SCRG1: variants seen among roughly 807,000 people sequenced by gnomAD.
The protein encoded by SCRG1 is scrapie-responsive protein 1.
Under a neutral mutation model 7.7 loss-of-function variants are expected in SCRG1, and 3 were observed. The observed-to-expected ratio is 0.39, with a 90% CI of 0.18 to 1.01. The LOEUF is 1.01. Ranked by LOEUF, SCRG1 falls within the 50% of genes least tolerant of loss-of-function variation. The probability of loss-of-function intolerance (pLI) is 0.36; values close to 1 mark genes in which losing one functional copy is unlikely to be tolerated. For synonymous variants in SCRG1, 46 were observed against 41.2 expected (o/e 1.12, Z -0.44); for missense variants, 110 against 117.2 (o/e 0.94, Z 0.28).
chr4:173,456,800 A>T, the SCRG1 span, among the ~76,000 whole-genome samples: 13 of 152,224 alleles, frequency 8.5e-5, 1 homozygote, highest in African/African-American at 2.9e-4. Context: ...CTCTGCTCCA[A>T]AGAGATAGGA....
upstream of SCRG1, among the ~76,000 whole-genome samples, chr4:173,402,616 G>A (rs1427277368): frequency 2.6e-5 from 4 of 152,128 alleles, no homozygotes; most frequent in African/African-American, 9.7e-5. Flanking sequence ...ACATGCATTA[G>A]TTCTTCCTCT....
chr4:173,394,517 G>A (rs1176055707), intron 1 of SCRG1, among the ~76,000 whole-genome samples: 6 of 152,024 alleles, frequency 3.9e-5, no homozygotes, highest in African/African-American at 1.2e-4. Flanking sequence ...GGTGGCGAGC[G>A]CCTGTAGTCC....
At chr4:173,402,514 T>G (rs1478455683), upstream of SCRG1, among the ~76,000 whole-genome samples, 1 of 150,842 alleles carries the variant, frequency 6.6e-6, no homozygotes, top group Non-Finnish European at 1.5e-5. Flanking sequence ...AACAGCAAAA[T>G]CCTTCCAATC....
the SCRG1 span, among the ~76,000 whole-genome samples, chr4:173,510,936 T>G: frequency 1.3e-5 from 2 of 152,196 alleles, no homozygotes; most frequent in African/African-American, 2.4e-5. The surrounding 1 kb of genome is among the most constrained non-coding windows in gnomAD (Gnocchi z 5.7). Context: ...ATAACCAAGA[T>G]AAAGTATGTG....
the SCRG1 span, among the ~76,000 whole-genome samples, chr4:173,416,237 G>C: frequency 6.6e-6 from 1 of 152,230 alleles, no homozygotes; most frequent in African/African-American, 2.4e-5. Context: ...TTTGCCAAGT[G>C]GGAGGGATTC....
chr4:173,420,458 G>GTTTTT, the SCRG1 span, among the ~76,000 whole-genome samples: 49 of 152,270 alleles, frequency 3.2e-4, no homozygotes, highest in African/African-American at 9.9e-4. Context: ...CTGAAAGAAT[G>GTTTTT]GTAGCTGTTG....
the SCRG1 span, among the ~76,000 whole-genome samples, chr4:173,431,030 AT>A: frequency 6.6e-6 from 1 of 152,154 alleles, no homozygotes; most frequent in African/African-American, 2.4e-5. Flanking sequence ...AATGTTCATG[AT>A]TTGGATCATG....
At chr4:173,499,738 C>CACGTGA in the SCRG1 span, among the ~76,000 whole-genome samples, 1 of 152,172 alleles carries the variant, frequency 6.6e-6, no homozygotes, top group Non-Finnish European at 1.5e-5. This position sits in a 1 kb window ranked among gnomAD's most constrained non-coding sequence, Gnocchi z 4.1. Flanking sequence ...CCAACTGCCT[C>CACGTGA]ACGTGAACGC....
chr4:173,483,582 A>ATTATATATTATAT, the SCRG1 span, among the ~76,000 whole-genome samples: 45 of 83,398 alleles, frequency 5.4e-4, 7 homozygotes, highest in South Asian at 4.7e-3. Context: ...TATAATATAT[A>ATTATATATTATAT]TGATATATTA....
At chr4:173,445,057 A>G in the SCRG1 span, among the ~76,000 whole-genome samples, 3 of 152,036 alleles carry the variant, frequency 2.0e-5, no homozygotes. Flanking sequence ...TATGCTTTGA[A>G]TTACATTTCT....
chr4:173,430,858 G>C, the SCRG1 span, among the ~76,000 whole-genome samples: 1 of 146,296 alleles, frequency 6.8e-6, no homozygotes, highest in African/African-American at 2.5e-5. Flanking sequence ...AGAAAATACA[G>C]GGAAAAACAA....
chr4:173,394,085 A>G (rs975497360), intron 1 of SCRG1, among the ~76,000 whole-genome samples: 1 of 151,518 alleles, frequency 6.6e-6, no homozygotes, highest in Non-Finnish European at 1.5e-5. Flanking sequence ...AAGTCTTTTG[A>G]TTGGAGAGTT....
the SCRG1 span, among the ~76,000 whole-genome samples, chr4:173,435,121 T>C: frequency 7.0e-3 from 3 of 428 alleles, no homozygotes; most frequent in African/African-American, 0.011. Context: ...TATATCTATG[T>C]GTGTGTGTGT....
intron 1 of SCRG1, 80 bp from the exon 2 acceptor site, chr4:173,391,508 G>T: frequency 7.1e-7 from 1 of 1,406,832 alleles, no homozygotes; most frequent in Non-Finnish European, 9.9e-7. Context: ...TCTGTAGCAT[G>T]CTTATAAACC....
the SCRG1 span, among the ~76,000 whole-genome samples, chr4:173,479,319 A>G: frequency 8.5e-5 from 13 of 152,212 alleles, no homozygotes; most frequent in African/African-American, 3.1e-4. Context: ...TTTATTGTAG[A>G]CACTGGTTCA....
At chr4:173,483,178 A>C in the SCRG1 span, among the ~76,000 whole-genome samples, 1 of 120,942 alleles carries the variant, frequency 8.3e-6, no homozygotes, top group Non-Finnish European at 1.7e-5. Context: ...ATAACATATA[A>C]TATATTATAT....
At chr4:173,516,800 G>A in the SCRG1 span, among the ~76,000 whole-genome samples, 1 of 152,188 alleles carries the variant, frequency 6.6e-6, no homozygotes, top group Non-Finnish European at 1.5e-5. Context: ...ACCGGGTTCC[G>A]ACTCCACCGC....
the SCRG1 span, chr4:173,468,811 G>A: frequency 6.6e-6 from 1 of 152,200 alleles, no homozygotes. Context: ...GGGAGACACA[G>A]TGACATTACA....
the SCRG1 span, among the ~76,000 whole-genome samples, chr4:173,512,854 G>A: frequency 0.029 from 4,361 of 152,284 alleles, 196 homozygotes; most frequent in African/African-American, 0.092. Context: ...GGTGTCATCC[G>A]CTCTTGTAGG....
Sources: gnomAD v4.1 joint callset for allele counts (sites outside exome capture counted in the v4.1 genomes callset) on GRCh38, gnomAD v4.1.1 for gene constraint, Gnocchi (gnomAD v3.1) non-coding constraint, MANE v1.5 for transcripts, NCBI Gene and HGNC (gene_info 2026-07-23, HGNC 2026-07-21) for gene names.